Variants in ELF1 observed in about 807,000 individuals in gnomAD.
ELF1 encodes ETS-related transcription factor Elf-1.
ELF1 carries 24 observed loss-of-function variants against 59.9 expected under a neutral mutation model. The observed-to-expected ratio is 0.40, with a 90% confidence interval of 0.29 to 0.56. ELF1 has a LOEUF of 0.56. ELF1 is among the 20% of genes least tolerant of loss of function. ELF1 has a pLI of 0.44. For missense variants in ELF1, 627 were observed against 742.2 expected (o/e 0.84, Z 1.80); for synonymous variants, 248 against 266.2 (o/e 0.93, Z 0.67).
chr13:41,025,658 CA>C, intron 1 of ELF1, among the ~76,000 whole-genome samples: 1 of 152,316 alleles, frequency 6.6e-6, no homozygotes, highest in South Asian at 2.1e-4. Flanking sequence ...AATATTTACT[CA>C]GCACTTACTA....
chr13:40,994,380 T>C (rs1874027601), intron 1 of ELF1, among the ~76,000 whole-genome samples: 1 of 152,204 alleles, frequency 6.6e-6, no homozygotes, highest in South Asian at 2.1e-4. Flanking sequence ...CAGTGGCTCA[T>C]GCCTGTAATC....
intron 1 of ELF1, among the ~76,000 whole-genome samples, chr13:41,017,148 T>C (rs941217791): frequency 6.6e-6 from 1 of 151,506 alleles, no homozygotes; most frequent in African/African-American, 2.4e-5. Context: ...AATGAATGCA[T>C]CATCTTTCTG....
chr13:41,046,514 T>G (rs1458499472), intron 1 of ELF1, among the ~76,000 whole-genome samples: 3 of 152,222 alleles, frequency 2.0e-5, no homozygotes, highest in African/African-American at 7.2e-5. Context: ...TGCTTGTCTG[T>G]AAAGGATTTT....
intron 1 of ELF1, among the ~76,000 whole-genome samples, chr13:41,002,306 C>T (rs1196407340): frequency 3.3e-5 from 5 of 151,914 alleles, no homozygotes; most frequent in Non-Finnish European, 5.9e-5. Context: ...ATAATTCTTC[C>T]TATATTGTCT....
chr13:40,962,555 G>A (rs967494420), intron 2 of ELF1, among the ~76,000 whole-genome samples: 1 of 151,674 alleles, frequency 6.6e-6, no homozygotes, highest in Non-Finnish European at 1.5e-5. Context: ...TCATGGTGAC[G>A]GGCACCTGCA....
At chr13:41,018,317 C>T (rs1593398305) in intron 1 of ELF1, among the ~76,000 whole-genome samples, 1 of 152,154 alleles carries the variant, frequency 6.6e-6, no homozygotes, top group Admixed American at 6.5e-5. Flanking sequence ...ATGACAAGTA[C>T]TTCAGGAAAA....
chr13:41,014,027 T>G (rs1327808065), intron 1 of ELF1, among the ~76,000 whole-genome samples: 3 of 152,150 alleles, frequency 2.0e-5, no homozygotes, highest in Non-Finnish European at 4.4e-5. Flanking sequence ...ACGTAGATAC[T>G]GCAGCATGTA....
chr13:40,992,877 G>C (rs1207733987), intron 1 of ELF1: 4 of 598,254 alleles, frequency 6.7e-6, no homozygotes, highest in Admixed American at 3.0e-5. Flanking sequence ...CGAGAATCAA[G>C]ACTGACCTCT....
chr13:40,977,077 T>A (rs1377330116), intron 2 of ELF1, among the ~76,000 whole-genome samples: 4 of 151,968 alleles, frequency 2.6e-5, no homozygotes, highest in African/African-American at 9.7e-5. Flanking sequence ...GAAAAAAAAA[T>A]ACAGTGTTTT....
At chr13:40,938,307 T>G (rs1359308832) in intron 8 of ELF1, among the ~76,000 whole-genome samples, 1 of 152,198 alleles carries the variant, frequency 6.6e-6, no homozygotes, top group Non-Finnish European at 1.5e-5. Context: ...TTTTGTAAAT[T>G]TGTAAAAACT....
intron 1 of ELF1, among the ~76,000 whole-genome samples, chr13:41,002,655 T>C (rs1399582225): frequency 2.6e-5 from 4 of 151,556 alleles, no homozygotes; most frequent in Admixed American, 1.3e-4. Context: ...GTCGTCTATA[T>C]TCTTTTGGAC....
intron 3 of ELF1, among the ~76,000 whole-genome samples, chr13:40,955,437 C>T (rs1422864508): frequency 1.5e-5 from 2 of 135,178 alleles, no homozygotes; most frequent in African/African-American, 2.8e-5. Context: ...GTCAGCCCCC[C>T]GCCCGGCCAG....
chr13:41,016,909 C>T (rs1177151381), intron 1 of ELF1, among the ~76,000 whole-genome samples: 9 of 51,574 alleles, frequency 1.7e-4, no homozygotes, highest in African/African-American at 3.2e-4. Context: ...AGTGAAACTC[C>T]GTCTCAAAAA....
intron 1 of ELF1, chr13:40,982,852 A>G: frequency 3.0e-6 from 3 of 985,098 alleles, no homozygotes; most frequent in Non-Finnish European, 3.6e-6. Flanking sequence ...ATGTTTTAAA[A>G]ATTACCATGC....
At chr13:40,997,112 T>C (rs920867757) in intron 1 of ELF1, among the ~76,000 whole-genome samples, 3 of 152,200 alleles carry the variant, frequency 2.0e-5, no homozygotes. Context: ...GAAATAAACA[T>C]TTCCATCTTT....
At chr13:40,992,323 T>C (rs1873897585) in intron 1 of ELF1, among the ~76,000 whole-genome samples, 1 of 152,248 alleles carries the variant, frequency 6.6e-6, no homozygotes, top group African/African-American at 2.4e-5. Context: ...TTTCCATTAG[T>C]AAGCATTGTA....
In ELF1 at chr13:40,943,151, C is replaced by G. The variant is rs779785765; in HGVS notation, c.614-7G>C. ...CAAAGATAAATTGTGTTTCCTGAAA[C>G]AAAAACAATTTCTTTCTAAATGACC... On this transcript the variant is annotated splice_region_variant and splice_polypyrimidine_tract_variant and intron_variant, in intron 6 of 8. Coordinates refer to ENST00000239882, the MANE Select transcript of ELF1 (RefSeq NM_172373.4). 3 of 1,494,674 alleles carry G rather than the reference C, an allele frequency of 2.0e-6. No individual in the cohort carries two copies. The highest frequency in any genetic ancestry group is 2.2e-5 in the Admixed American group (1 of 45,648). 92.6% of individuals were successfully genotyped at this position (1,494,674 alleles called of 1,614,324 possible).
intron 1 of ELF1, among the ~76,000 whole-genome samples, chr13:40,990,023 T>C (rs1474027707): frequency 3.9e-5 from 6 of 152,148 alleles, no homozygotes; most frequent in African/African-American, 1.4e-4. Context: ...GTACAATATA[T>C]GGTTATAGAT....
At position 41,030,204 on chromosome 13, in the gene ELF1, A is replaced by G. The variant is rs182826552; in HGVS notation, c.-229+30634T>C. ...ACAAAGAAGGCTAAAAGGAATACTC[A>G]GAAATGTAGGAAGAAAAAAAGGCAT... is the stretch of plus-strand genomic sequence containing the variant. On this transcript the variant is annotated intron_variant, in intron 1 of 1. Transcript: ENST00000405737. 2.7e-3 allele frequency among the ~76,000 whole-genome samples: 406 copies of G among 152,314 alleles called. 3 individuals are homozygous for G. Among genetic ancestry groups the G allele is most frequent in the African/African-American group, 9.4e-3 (390 of 41,572 alleles).
Sources: allele counts gnomAD v4.1 joint callset (sites outside exome capture counted in the v4.1 genomes callset), GRCh38; gene constraint gnomAD v4.1.1; transcripts MANE v1.5; gene names NCBI Gene and HGNC (gene_info 2026-07-23, HGNC 2026-07-21).